TBCK: variants seen among roughly 807,000 people sequenced by gnomAD.
The protein encoded by TBCK is TBC1 domain containing kinase.
TBCK carries 99 observed loss-of-function variants against 113.4 expected under a neutral mutation model. That is an observed-to-expected ratio of 0.87 (90% confidence interval 0.74 to 1.03). The LOEUF (loss-of-function observed/expected upper bound fraction) is 1.03. Ranked by LOEUF, TBCK falls within the 50% of genes least tolerant of loss-of-function variation. The pLI is 0.00. For synonymous variants in TBCK, 369 were observed against 370.8 expected (o/e 1.00, Z 0.05); for missense variants, 1,045 against 1,061.3 (o/e 0.98, Z 0.21).
At chr4:106,209,754 ATGT>A (rs1357097300) in intron 20 of TBCK, among the ~76,000 whole-genome samples, 1 of 151,870 alleles carries the variant, frequency 6.6e-6, no homozygotes, top group Admixed American at 6.6e-5. Flanking sequence ...AATATCACTA[ATGT>A]TGTTCTGGTT....
rs535352265 is a variant in TBCK, at chr4:106,131,268, T to G, written c.2236-14890A>C. 1.8e-4 allele frequency among the ~76,000 whole-genome samples: 28 copies of G among 152,366 alleles called. No homozygotes were observed. In the South Asian group the frequency reaches 3.1e-3, roughly 17 times the overall value. The stretch of plus-strand genomic sequence containing the variant: ...CTGTCAGTCAATTAAACATGTTTCC[T>G]TTATAAATTACCCAGTTTTGGGTAT... On this transcript the variant is annotated intron_variant, in intron 23 of 25. Transcript: ENST00000394708.
At chr4:106,225,686 T>C (rs766821838) in intron 19 of TBCK, among the ~76,000 whole-genome samples, 14 of 152,138 alleles carry the variant, frequency 9.2e-5, no homozygotes, top group Non-Finnish European at 1.8e-4. Flanking sequence ...CTCGAACTCC[T>C]GACGTCGTGA....
At chr4:106,264,797 T>C (rs771933427) in intron 3 of TBCK, among the ~76,000 whole-genome samples, 4 of 152,004 alleles carry the variant, frequency 2.6e-5, no homozygotes, top group Non-Finnish European at 5.9e-5. Context: ...TGTTTAGCTA[T>C]AAGACATCTT....
At chr4:106,113,071 G>A (rs539848739) in intron 24 of TBCK, among the ~76,000 whole-genome samples, 13 of 152,172 alleles carry the variant, frequency 8.5e-5, no homozygotes, top group African/African-American at 2.4e-4. Flanking sequence ...CTCAATTAGC[G>A]CTCATGCCTT....
At chr4:106,081,107 A>G (rs947507714) in intron 25 of TBCK, among the ~76,000 whole-genome samples, 1 of 152,214 alleles carries the variant, frequency 6.6e-6, no homozygotes, top group Admixed American at 6.5e-5. Flanking sequence ...ACTAACTGGA[A>G]TTGCCATCAG....
intron 22 of TBCK, among the ~76,000 whole-genome samples, chr4:106,182,198 T>C (rs1752475670): frequency 6.6e-6 from 1 of 152,168 alleles, no homozygotes. Context: ...GAAATACTTG[T>C]GATTTTTGCA....
intron 23 of TBCK, among the ~76,000 whole-genome samples, chr4:106,168,718 AAAT>A (rs1400744027): frequency 6.6e-6 from 1 of 151,946 alleles, no homozygotes. Context: ...TTGAAATAAA[AAAT>A]AATACCACTT....
At chr4:106,201,013 A>AT (rs1754824277) in intron 20 of TBCK, among the ~76,000 whole-genome samples, 1 of 152,018 alleles carries the variant, frequency 6.6e-6, no homozygotes, top group Non-Finnish European at 1.5e-5. Flanking sequence ...TAAACTTGAG[A>AT]TTTTGTTATA....
At chr4:106,203,309 C>A (rs1019039287) in intron 20 of TBCK, among the ~76,000 whole-genome samples, 2 of 149,180 alleles carry the variant, frequency 1.3e-5, no homozygotes, top group African/African-American at 5.0e-5. Flanking sequence ...TATATACTTT[C>A]AAAATAAGGA....
intron 22 of TBCK, among the ~76,000 whole-genome samples, chr4:106,184,700 A>C (rs1752812481): frequency 6.6e-6 from 1 of 152,058 alleles, no homozygotes; most frequent in Non-Finnish European, 1.5e-5. Flanking sequence ...GGAGAAAAGG[A>C]TGGTACAATA....
intron 23 of TBCK, among the ~76,000 whole-genome samples, chr4:106,159,542 A>G (rs1247040878): frequency 6.6e-6 from 1 of 152,100 alleles, no homozygotes; most frequent in Admixed American, 6.6e-5. Context: ...CAATAGCATC[A>G]AAAGGAATAA....
At chr4:106,051,595 T>C (rs773867149) in intron 25 of TBCK, among the ~76,000 whole-genome samples, 1 of 145,486 alleles carries the variant, frequency 6.9e-6, no homozygotes, top group African/African-American at 2.6e-5. Flanking sequence ...TGCCTCCTCT[T>C]GACCCTCTGG....
intron 1 of TBCK, among the ~76,000 whole-genome samples, chr4:106,309,670 A>G (rs1767973344): frequency 6.6e-6 from 1 of 152,132 alleles, no homozygotes; most frequent in Non-Finnish European, 1.5e-5. Flanking sequence ...CTTCTCATAC[A>G]GTGAGGTAGG....
chr4:106,235,640 G>T (rs920920678), intron 14 of TBCK, among the ~76,000 whole-genome samples: 1 of 151,812 alleles, frequency 6.6e-6, no homozygotes, highest in Non-Finnish European at 1.5e-5. Flanking sequence ...TGCTCTGGGG[G>T]GATTTTAAAT....
At chr4:106,202,613 T>C (rs566689302) in intron 20 of TBCK, among the ~76,000 whole-genome samples, 161 of 152,214 alleles carry the variant, frequency 1.1e-3, no homozygotes, top group South Asian at 2.7e-3. Context: ...TTACAATTAC[T>C]GGACTAATCA....
At chr4:106,201,694 G>A (rs1754902171) in intron 20 of TBCK, among the ~76,000 whole-genome samples, 1 of 151,782 alleles carries the variant, frequency 6.6e-6, no homozygotes, top group Non-Finnish European at 1.5e-5. Context: ...ACCATCAATA[G>A]GAAAAACAAA....
At chr4:106,070,727 C>A (rs114784192) in intron 25 of TBCK, among the ~76,000 whole-genome samples, 2 of 152,078 alleles carry the variant, frequency 1.3e-5, no homozygotes, top group Non-Finnish European at 2.9e-5. Flanking sequence ...GGTACCCGCT[C>A]GTCTTTGTAA....
At chr4:106,074,297 G>A (rs1230223817) in intron 25 of TBCK, among the ~76,000 whole-genome samples, 1 of 152,144 alleles carries the variant, frequency 6.6e-6, no homozygotes, top group Non-Finnish European at 1.5e-5. Context: ...TTTCTATGAA[G>A]GAATGGAAGA....
chr4:106,308,657 C>T (rs541639559), intron 2 of TBCK, 111 bp downstream of exon 2: 139 of 929,630 alleles, frequency 1.5e-4, no homozygotes, highest in Non-Finnish European at 2.0e-4. Context: ...GAAAGAAGGA[C>T]ATGTGTGCAC....
Sources: allele counts gnomAD v4.1 joint callset (sites outside exome capture counted in the v4.1 genomes callset), GRCh38; gene constraint gnomAD v4.1.1; transcripts MANE v1.5; gene names NCBI Gene and HGNC (gene_info 2026-07-23, HGNC 2026-07-21).